The following ITGA10 variants were observed in gnomAD, a reference collection of about 807,000 sequenced individuals.
The protein encoded by ITGA10 is integrin alpha-10.
A neutral mutation model predicts 145.2 loss-of-function variants in ITGA10; 105 were observed. The ratio of observed to expected loss-of-function variants is 0.72; its 90% confidence interval spans 0.62 to 0.85. The LOEUF (loss-of-function observed/expected upper bound fraction) is 0.85. Among genes scored for constraint, ITGA10 ranks in the 40% least tolerant of loss-of-function variants. The pLI, the probability that ITGA10 is intolerant of heterozygous loss-of-function variation, is 0.00. For missense variants in ITGA10, 1,317 were observed against 1,444.5 expected, an observed-to-expected ratio of 0.91 and a Z score of 1.43; for synonymous variants, 506 against 557.8, an observed-to-expected ratio of 0.91 and a Z score of 1.31.
chr1:145,895,760 C>T (rs1553744794), intron 25 of ITGA10, 49 bp from the exon 26 acceptor site: 3 of 1,548,524 alleles, frequency 1.9e-6, no homozygotes, highest in Non-Finnish European at 1.8e-6. Context: ...GTGGCGCTAG[C>T]CACTCAAGGC....
chr1:145,902,626 G>C lies in ITGA10; in HGVS notation c.910-7C>G, dbSNP rs1553749388. ...GGAGGTAGTGACCAAGGACCTAAGA[G>C]GTCATAAGATCAAGGAATGAGGCAT... On this transcript the variant is annotated splice_polypyrimidine_tract_variant and splice_region_variant and intron_variant, in intron 8 of 29. Transcript: ENST00000369304. 6.3e-7 allele frequency: 1 copy of C among 1,592,198 alleles called. No individual in the cohort carries two copies. Among genetic ancestry groups the C allele is most frequent in the East Asian group, 2.2e-5 (1 of 44,830 alleles).
chr1:145,900,684 C>G, intron 14 of ITGA10, 106 bp downstream of exon 14: 2 of 1,198,564 alleles, frequency 1.7e-6, no homozygotes, highest in Non-Finnish European at 2.4e-6. Flanking sequence ...AATAAAAGCA[C>G]TTGTTCAGTT....
At chr1:145,893,376 C>T in intron 28 of ITGA10, 102 bp from the exon 29 acceptor site, 1 of 993,554 alleles carries the variant, frequency 1.0e-6, no homozygotes, top group Non-Finnish European at 1.6e-6. Context: ...AAATAACCTC[C>T]TGCTACTTAA....
At position 145,902,959 on chromosome 1, in the gene ITGA10, G is replaced by A. The variant is rs1468376671; in HGVS notation, c.761C>T (p.Thr254Ile). 14 of 1,593,648 alleles carry A rather than the reference G, an allele frequency of 8.8e-6. No homozygotes were observed. Among genetic ancestry groups the A allele is most frequent in the Non-Finnish European group, 1.2e-5 (14 of 1,171,960 alleles). Residue 254 changes from threonine (T) to isoleucine (I), a missense_variant and splice_region_variant, in exon 8 of 30, where the codon ACA becomes ATA. Coordinates refer to ENST00000369304, the MANE Select transcript of ITGA10 (RefSeq NM_003637.5). Reference protein sequence around the residue: ...KTAQAIMVACTEGFSQSHGGR... With the variant: ...KTAQAIMVACIEGFSQSHGGR... ...CCCATGGGACTGACTGAACCCTTCT[G>A]TGCTGAGAAGAGAAAGGAGTGAGGT...
At position 145,906,474 on chromosome 1, in the gene ITGA10, C is replaced by T. The variant is rs60202768; in HGVS notation, c.401G>A (p.Ser134Asn). ...ACATATCCCAGAACTGAAGACAGAG[C>T]TGCCACAAGCACGAGACCAGAGAGG... ...CAPLWSRACG[S>N]SVFSSGICAR... Residue 134 changes from serine to asparagine, a missense_variant, in exon 5 of 30, where the codon AGC becomes AAC. Transcript: ENST00000369304. 1.2e-6 allele frequency: 2 copies of T among 1,614,114 alleles called. No individual in the cohort carries two copies. Among genetic ancestry groups the T allele is most frequent in the South Asian group, 2.2e-5 (2 of 91,086 alleles).
chr1:145,907,573 T>A, intron 1 of ITGA10, 108 bp from the exon 2 acceptor site: 1 of 1,532,716 alleles, frequency 6.5e-7, no homozygotes, highest in Non-Finnish European at 8.8e-7. Flanking sequence ...TGCCTGCTTT[T>A]TCACTCATAA....
rs202224881 is a variant in ITGA10 at position 145,901,094 on chromosome 1, C to T, written c.1587+41G>A. The T allele has an allele frequency of 5.0e-6, 8 of 1,613,336 alleles. 1 individual carries two copies. The highest frequency in any genetic ancestry group is 1.7e-4 in the Middle Eastern group (1 of 6,060). On this transcript the variant is annotated intron_variant, in intron 13 of 29. Coordinates refer to ENST00000369304, the MANE Select transcript of ITGA10 (RefSeq NM_003637.5). The surrounding 1 kb of genome is among the most constrained non-coding windows in gnomAD (Gnocchi z 4.3). Reference sequence around the variant, plus strand: ...TTCCCTCCTTTCCTCCCTCCACCCCCACAATGCAAGTCCAGGGCAGGGGGT... The same window carrying T: ...TTCCCTCCTTTCCTCCCTCCACCCCTACAATGCAAGTCCAGGGCAGGGGGT...
intron 5 of ITGA10, 120 bp from the exon 6 acceptor site, chr1:145,904,931 G>A: frequency 9.9e-7 from 1 of 1,011,848 alleles, no homozygotes; most frequent in Non-Finnish European, 1.5e-6. Flanking sequence ...TGCAAAGAAG[G>A]TACTGTGCCA....
rs1553748425 is a variant in ITGA10 at position 145,901,512 on chromosome 1, C to T, written c.1443+4G>A. 4 of 1,557,856 alleles carry T rather than the reference C, an allele frequency of 2.6e-6. No homozygotes were observed. The highest frequency in any genetic ancestry group is 3.5e-6 in the Non-Finnish European group (4 of 1,155,426). On this transcript the variant is annotated splice_donor_region_variant and intron_variant, in intron 12 of 29. Transcript: ENST00000369304. This position sits in a 1 kb window ranked among gnomAD's most constrained non-coding sequence, Gnocchi z 4.3. Reference sequence around the variant, plus strand: ...AAGGTCCCACCCTTCCTTGGATGCCCTACCTGCTCCCCCTGGAGGCTCTGG... The same window carrying T: ...AAGGTCCCACCCTTCCTTGGATGCCTTACCTGCTCCCCCTGGAGGCTCTGG...
Position 145,895,676 on chromosome 1 carries a change from T to TG in ITGA10, c.3068dup (p.Gly1024ArgfsTer37). ...GCTCCTCTGGATGCACAGGTGGGCC[T>TG]GGGGGTTCAGTCAGGTTCTGCACTA... On this transcript the variant is annotated frameshift_variant, in exon 26 of 30. Coordinates refer to ENST00000369304, the MANE Select transcript of ITGA10 (RefSeq NM_003637.5). LOFTEE classifies it high-confidence loss of function. 6.2e-7 allele frequency: 1 copy of TG among 1,614,232 alleles called. No homozygotes were observed.
chr1:145,906,989 C>A (rs1280919112), intron 3 of ITGA10, 52 bp downstream of exon 3: 1 of 1,356,456 alleles, frequency 7.4e-7, no homozygotes, highest in Non-Finnish European at 1.0e-6. Flanking sequence ...GTTGAAGCTT[C>A]TAGAGTATCA....
intron 27 of ITGA10, among the ~76,000 whole-genome samples, chr1:145,893,924 T>C (rs1559187709): frequency 1.3e-5 from 2 of 151,728 alleles, no homozygotes; most frequent in African/African-American, 4.8e-5. Context: ...ACCCCTCCTT[T>C]AGATTGAAGT....
Position 145,896,101 on chromosome 1 carries a change from G to C in ITGA10, c.2920-5C>G, listed in dbSNP as rs782139748. The C allele has an allele frequency of 2.2e-5, 35 of 1,612,602 alleles. No homozygotes were observed. The highest frequency in any genetic ancestry group is 3.0e-5 in the Non-Finnish European group (35 of 1,178,696). On this transcript the variant is annotated splice_polypyrimidine_tract_variant and splice_region_variant and intron_variant, in intron 24 of 29. Coordinates refer to ENST00000369304, the MANE Select transcript of ITGA10 (RefSeq NM_003637.5). The stretch of plus-strand genomic sequence containing the variant: ...ATAGCAGCCTAGGTTCTGAACCTAA[G>C]AGGAAGGTTGGGAATAGGAAGAAGT...
chr1:145,904,629 C>T, intron 6 of ITGA10, 55 bp downstream of exon 6: 6 of 1,600,570 alleles, frequency 3.7e-6, no homozygotes, highest in Non-Finnish European at 5.1e-6. Context: ...CCCACCTCCA[C>T]CTCTTAAGTA....
At chr1:145,893,737 T>C in intron 27 of ITGA10, 102 bp from the exon 28 acceptor site, 3 of 825,032 alleles carry the variant, frequency 3.6e-6, no homozygotes, top group Admixed American at 2.2e-5. Flanking sequence ...AGGCATAATG[T>C]TGAGGGCTCT....
rs1434017647 is a variant in ITGA10, at chr1:145,895,664, C to T, written c.3081G>A (p.Val1027=). The T allele has an allele frequency of 6.2e-7, 1 of 1,614,140 alleles. No individual in the cohort carries two copies. The highest frequency in any genetic ancestry group is 8.5e-7 in the Non-Finnish European group (1 of 1,180,042). Residue 1027 remains valine, a synonymous_variant, in exon 26 of 30, where the codon GTG becomes GTA. Coordinates refer to ENST00000369304, the MANE Select transcript of ITGA10 (RefSeq NM_003637.5). ...TTGTGTGTTGAAGCTCCTCTGGATGCACAGGTGGGCCTGGGGGTTCAGTCA... is the reference window on the plus strand; with the variant it reads ...TTGTGTGTTGAAGCTCCTCTGGATGTACAGGTGGGCCTGGGGGTTCAGTCA... ...QNLTEPPGPP[V]HPEELQHTNR... is the part of the protein sequence containing the mutation.
At chr1:145,902,112 C>G in intron 10 of ITGA10, 91 bp from the exon 11 acceptor site, 1 of 1,582,854 alleles carries the variant, frequency 6.3e-7, no homozygotes, top group Non-Finnish European at 8.6e-7. Flanking sequence ...CACTGAGGGT[C>G]TGCTGGGCTC....
rs367648019 is a variant in ITGA10, at chr1:145,897,803, T to C, written c.2432+12A>G. ...AGGTCACCCTGGTTTGCCTAGTACA[T>C]GTCCATCCAACCTGGAGCCTCTGAT... On this transcript the variant is annotated intron_variant, in intron 19 of 29. Transcript: ENST00000369304. 3.1e-6 allele frequency: 5 copies of C among 1,613,552 alleles called. No homozygotes were observed. In the African/African-American group the frequency reaches 6.7e-5, roughly 22 times the overall value.
intron 4 of ITGA10, 38 bp from the exon 5 acceptor site, chr1:145,906,546 G>A: frequency 6.4e-7 from 1 of 1,564,476 alleles, no homozygotes. Flanking sequence ...AGGCTTGGGA[G>A]GGCACCCTCA....
Sources: gnomAD v4.1 joint callset for allele counts (sites outside exome capture counted in the v4.1 genomes callset) on GRCh38, gnomAD v4.1.1 for gene constraint, Gnocchi (gnomAD v3.1) non-coding constraint, MANE v1.5 for transcripts, NCBI Gene and HGNC (gene_info 2026-07-23, HGNC 2026-07-21) for gene names.